SLIT2: variants seen among roughly 807,000 people sequenced by gnomAD.
SLIT2 encodes the protein slit homolog 2 protein.
Under a neutral mutation model 185.7 loss-of-function variants are expected in SLIT2, and 41 were observed. The observed-to-expected ratio is 0.22, with a 90% CI of 0.17 to 0.29. The LOEUF is 0.29. Among genes scored for constraint, SLIT2 ranks in the 10% least tolerant of loss-of-function variants. The probability of loss-of-function intolerance (pLI) is 1.00; values close to 1 mark genes in which losing one functional copy is unlikely to be tolerated. For missense variants in SLIT2, 1,571 were observed against 1,909.0 expected (o/e 0.82, Z 3.30); for synonymous variants, 693 against 680.2 (o/e 1.02, Z -0.29).
chr4:20,611,131 A>C (rs1729184131), intron 34 of SLIT2, among the ~76,000 whole-genome samples: 1 of 152,236 alleles, frequency 6.6e-6, no homozygotes, highest in African/African-American at 2.4e-5. Context: ...AAATAAGTAA[A>C]AGCTTTGAAC....
At chr4:20,392,354 A>G (rs1023542605) in intron 4 of SLIT2, 1 of 152,106 alleles carries the variant, frequency 6.6e-6, no homozygotes, top group Non-Finnish European at 1.5e-5. Context: ...GTACACCTGT[A>G]TAGGGTGCTT....
At chr4:20,519,557 G>C (rs1409994578) in intron 12 of SLIT2, 104 bp downstream of exon 12, 2 of 681,598 alleles carry the variant, frequency 2.9e-6, no homozygotes, top group Non-Finnish European at 5.1e-6. Flanking sequence ...GACTCAAAAT[G>C]ATACAGTTTA....
intron 9 of SLIT2, among the ~76,000 whole-genome samples, chr4:20,494,979 G>T (rs1444152467): frequency 6.6e-6 from 1 of 152,088 alleles, no homozygotes; most frequent in Non-Finnish European, 1.5e-5. Context: ...GCTCTAATAA[G>T]TAAGGGAGGA....
chr4:20,339,235 T>C (rs889793799), intron 4 of SLIT2, among the ~76,000 whole-genome samples: 1 of 152,074 alleles, frequency 6.6e-6, no homozygotes, highest in African/African-American at 2.4e-5. Context: ...ATAATATAAC[T>C]GAACCTGATT....
chr4:20,423,278 G>T (rs573228575), intron 4 of SLIT2, among the ~76,000 whole-genome samples: 23 of 152,072 alleles, frequency 1.5e-4, no homozygotes, highest in African/African-American at 5.1e-4. Context: ...AACCAGAAAA[G>T]GAGACTTAGG....
chr4:20,449,715 AT>A (rs950042801), intron 4 of SLIT2, among the ~76,000 whole-genome samples: 6 of 151,978 alleles, frequency 3.9e-5, no homozygotes, highest in African/African-American at 1.4e-4. Context: ...CCAAAAAAAC[AT>A]TTTTTTTATT....
chr4:20,581,224 A>G (rs1052134109), intron 29 of SLIT2, among the ~76,000 whole-genome samples: 3 of 152,110 alleles, frequency 2.0e-5, no homozygotes, highest in African/African-American at 7.2e-5. Context: ...CCTGTTTTTC[A>G]TATCATCTTC....
At chr4:20,595,977 G>A (rs1727948870) in intron 31 of SLIT2, 143 bp downstream of exon 31, 4 of 692,582 alleles carry the variant, frequency 5.8e-6, no homozygotes, top group Non-Finnish European at 9.3e-6. Context: ...ATAAATACTT[G>A]AGGGGATGGA....
chr4:20,401,759 T>A (rs1370485518), intron 4 of SLIT2, among the ~76,000 whole-genome samples: 6 of 151,842 alleles, frequency 4.0e-5, no homozygotes, highest in Admixed American at 2.6e-4. Context: ...CGATTCTTCA[T>A]CTAAAAATGG....
chr4:20,528,438 A>G lies in SLIT2; in HGVS notation c.1463-511A>G, dbSNP rs1243367151. 6.2e-6 allele frequency: 3 copies of G among 486,372 alleles called. No individual in the cohort carries two copies. Among genetic ancestry groups the G allele is most frequent in the Non-Finnish European group, 1.3e-5 (3 of 233,724 alleles). 30.1% of individuals were successfully genotyped at this position (486,372 alleles called of 1,614,324 possible). On this transcript the variant is annotated intron_variant, in intron 15 of 36. Coordinates refer to ENST00000504154, the MANE Select transcript of SLIT2 (RefSeq NM_004787.4). This position sits in a 1 kb window ranked among gnomAD's most constrained non-coding sequence, Gnocchi z 4.2. The stretch of plus-strand genomic sequence containing the variant: ...GGATTTTCCTGTCTCTTTCTACAAA[A>G]TCAAAATGAAAAAAGAGGGCTTTTT...
At chr4:20,383,940 A>C (rs944899670) in intron 4 of SLIT2, among the ~76,000 whole-genome samples, 1 of 152,048 alleles carries the variant, frequency 6.6e-6, no homozygotes, top group Non-Finnish European at 1.5e-5. Context: ...TCCTGACCTC[A>C]AGTGATCCAC....
At chr4:20,527,489 G>A (rs73252467) in intron 15 of SLIT2, among the ~76,000 whole-genome samples, 7,184 of 152,154 alleles carry the variant, frequency 0.047, 204 homozygotes, top group Non-Finnish European at 0.066. Flanking sequence ...GTTTTCACCC[G>A]TCAGGTGAAA....
chr4:20,514,703 G>A lies in SLIT2; in HGVS notation c.1058+3566G>A, dbSNP rs566327680. Among the ~76,000 whole-genome samples, 7 of 147,546 alleles carry A rather than the reference G, an allele frequency of 4.7e-5. No individual in the cohort carries two copies. The South Asian group carries it at 1.6e-3, about 34-fold the overall frequency. The stretch of plus-strand genomic sequence containing the variant: ...AGATCACCAAATTTCATCTCTTAGA[G>A]ATAAGTGGACTTGATTTACCTAATG... On this transcript the variant is annotated intron_variant, in intron 11 of 36. Transcript: ENST00000504154.
chr4:20,487,750 T>C (rs187719610), intron 7 of SLIT2, among the ~76,000 whole-genome samples: 116 of 152,330 alleles, frequency 7.6e-4, no homozygotes, highest in Non-Finnish European at 1.3e-3. Context: ...TCCTTATCTA[T>C]AAGCTCAAGG....
intron 4 of SLIT2, among the ~76,000 whole-genome samples, chr4:20,337,338 G>GATGTCATGAGATGT (rs566178566): frequency 3.8e-4 from 58 of 152,198 alleles, no homozygotes; most frequent in African/African-American, 1.3e-3. Context: ...GAAGCCATCA[G>GATGTCATGAGATGT]ATGTCATGAG....
intron 4 of SLIT2, among the ~76,000 whole-genome samples, chr4:20,304,221 A>G (rs748855435): frequency 5.3e-5 from 8 of 152,200 alleles, no homozygotes; most frequent in Non-Finnish European, 8.8e-5. Context: ...GAATGATGCT[A>G]CTTATCCCCC....
chr4:20,339,263 T>C (rs767233810), intron 4 of SLIT2, among the ~76,000 whole-genome samples: 8 of 152,110 alleles, frequency 5.3e-5, no homozygotes, highest in Non-Finnish European at 7.3e-5. Context: ...TTTTTTTCTT[T>C]GGATAAGGGA....
At chr4:20,448,916 G>A (rs6856484) in intron 4 of SLIT2, among the ~76,000 whole-genome samples, 34,898 of 151,962 alleles carry the variant, frequency 0.23, 4,282 homozygotes, top group Non-Finnish European at 0.29. Context: ...GATTACAGGC[G>A]TGGGCCACAG....
chr4:20,480,708 T>C lies in SLIT2; in HGVS notation c.468-8T>C. ...CTTCTACATATATTCTTCTAATCTT[T>C]TTAACAGGCAACTGGATTACAACCA... On this transcript the variant is annotated splice_region_variant and splice_polypyrimidine_tract_variant and intron_variant, in intron 5 of 36. Transcript: ENST00000504154. 6.2e-7 allele frequency: 1 copy of C among 1,611,056 alleles called. No homozygotes were observed. The highest frequency in any genetic ancestry group is 8.5e-7 in the Non-Finnish European group (1 of 1,177,294).
Sources: gnomAD v4.1 joint callset for allele counts (sites outside exome capture counted in the v4.1 genomes callset) on GRCh38, gnomAD v4.1.1 for gene constraint, Gnocchi (gnomAD v3.1) non-coding constraint, MANE v1.5 for transcripts, NCBI Gene and HGNC (gene_info 2026-07-23, HGNC 2026-07-21) for gene names.